DOCK3: variants seen among roughly 807,000 people sequenced by gnomAD.
DOCK3 encodes the protein dedicator of cytokinesis 3, also known as dedicator of cytokinesis protein 3.
A neutral mutation model predicts 265.6 loss-of-function variants in DOCK3; 60 were observed. The ratio of observed to expected loss-of-function variants is 0.23; its 90% confidence interval spans 0.18 to 0.28. DOCK3 has a LOEUF of 0.28. Among genes scored for constraint, DOCK3 ranks in the 10% least tolerant of loss-of-function variants. DOCK3 has a pLI of 1.00. For missense variants in DOCK3, 1,981 were observed against 2,594.3 expected (o/e 0.76, Z 5.14); for synonymous variants, 881 against 938.0 (o/e 0.94, Z 1.11).
chr3:51,169,381 AT>A (rs1437266987), intron 12 of DOCK3, among the ~76,000 whole-genome samples: 4 of 152,250 alleles, frequency 2.6e-5, no homozygotes, highest in Non-Finnish European at 5.9e-5. Flanking sequence ...TGTGGCACAT[AT>A]ACACCATGGA....
In DOCK3 at chr3:51,090,253, T is replaced by G; in HGVS notation, c.615T>G (p.His205Gln). The G allele has an allele frequency of 6.3e-7, 1 of 1,594,928 alleles. No individual in the cohort carries two copies. Among genetic ancestry groups the G allele is most frequent in the East Asian group, 2.3e-5 (1 of 44,180 alleles). Residue 205 changes from histidine (H) to glutamine (Q), a missense_variant, in exon 9 of 53, where the codon CAT becomes CAG. By Grantham distance (24) the His-to-Gln change is conservative. Around this residue, in one of 4 missense-constraint regions of DOCK3, gnomAD observed 456 missense variants for 539.0 expected, o/e 0.85. Transcript: ENST00000266037. ...TSQVDTMRPR[H>Q]GETCRMPVPH... is the part of the protein sequence containing the mutation. ...AGGTAGATACAATGCGCCCACGTCA[T>G]GGGGAAACATGTCGGATGCCAGTGC...
intron 2 of DOCK3, among the ~76,000 whole-genome samples, chr3:50,839,640 C>T (rs2045704550): frequency 6.8e-6 from 1 of 147,748 alleles, no homozygotes; most frequent in Non-Finnish European, 1.5e-5. Flanking sequence ...TCTGTATCTT[C>T]TTTGGTGAAG....
chr3:50,729,782 C>T (rs572329685), intron 1 of DOCK3, among the ~76,000 whole-genome samples: 1 of 150,934 alleles, frequency 6.6e-6, no homozygotes, highest in East Asian at 1.9e-4. Context: ...TCCCATATTG[C>T]TGGGATTACA....
chr3:51,335,463 C>A (rs1380321177), intron 35 of DOCK3, among the ~76,000 whole-genome samples: 2 of 152,194 alleles, frequency 1.3e-5, no homozygotes, highest in Admixed American at 1.3e-4. Flanking sequence ...CAGGAGCTTA[C>A]CTTTCCGTGC....
chr3:51,043,602 A>G (rs1329594127), intron 5 of DOCK3, among the ~76,000 whole-genome samples: 1 of 152,182 alleles, frequency 6.6e-6, no homozygotes, highest in Admixed American at 6.6e-5. Context: ...TAATTAAACT[A>G]AAGAGCTACA....
intron 33 of DOCK3, among the ~76,000 whole-genome samples, chr3:51,331,213 G>A (rs2084496345): frequency 6.6e-6 from 1 of 152,188 alleles, no homozygotes; most frequent in African/African-American, 2.4e-5. Context: ...AAAAAGGGGG[G>A]AGTCTCCCCT....
intron 5 of DOCK3, among the ~76,000 whole-genome samples, chr3:50,948,464 C>T (rs1276848726): frequency 7.4e-6 from 1 of 135,032 alleles, no homozygotes; most frequent in African/African-American, 2.8e-5. Flanking sequence ...AATGCAGTTG[C>T]AAAATCATAG....
In DOCK3 at chr3:51,228,535, A is replaced by G. The variant is rs1032607786; in HGVS notation, c.1648-126A>G. The G allele has an allele frequency of 1.4e-5, 14 of 1,020,520 alleles. No homozygotes were observed. In the East Asian group the frequency reaches 2.1e-4, roughly 15 times the overall value. 63.2% of individuals were successfully genotyped at this position (1,020,520 alleles called of 1,614,324 possible). On this transcript the variant is annotated intron_variant, in intron 17 of 52. Transcript: ENST00000266037. ...TCTGAACAGAAAGTACTCTTCCAAG[A>G]GGACCTGAGGCCCAACGTTCAGCCT...
chr3:51,352,507 A>G (rs2086065663), intron 40 of DOCK3, among the ~76,000 whole-genome samples: 1 of 152,222 alleles, frequency 6.6e-6, no homozygotes, highest in Non-Finnish European at 1.5e-5. Context: ...CTCACAAGTA[A>G]CAGTCCAAAT....
At chr3:50,771,247 A>G (rs1361440827) in intron 1 of DOCK3, among the ~76,000 whole-genome samples, 2 of 152,222 alleles carry the variant, frequency 1.3e-5, no homozygotes, top group Non-Finnish European at 2.9e-5. Flanking sequence ...AAACAACTCT[A>G]TAGGAAAAAA....
At chr3:51,326,076 C>T (rs191029736) in intron 32 of DOCK3, among the ~76,000 whole-genome samples, 16 of 148,970 alleles carry the variant, frequency 1.1e-4, no homozygotes, top group African/African-American at 3.7e-4. Flanking sequence ...AAAAAAAGGC[C>T]AAAAAAATGA....
intron 6 of DOCK3, among the ~76,000 whole-genome samples, chr3:51,074,520 C>G (rs372878324): frequency 4.8e-4 from 73 of 152,238 alleles, no homozygotes; most frequent in African/African-American, 1.7e-3. Context: ...AAACTTTTAT[C>G]TAATGTTTCT....
intron 4 of DOCK3, among the ~76,000 whole-genome samples, chr3:50,894,339 A>C (rs1439904182): frequency 6.6e-6 from 1 of 152,054 alleles, no homozygotes; most frequent in African/African-American, 2.4e-5. Context: ...AAGGAAACAA[A>C]AAAAACCCTG....
chr3:51,250,630 A>G (rs1444604447), intron 22 of DOCK3, among the ~76,000 whole-genome samples: 4 of 152,146 alleles, frequency 2.6e-5, no homozygotes, highest in Non-Finnish European at 5.9e-5. Context: ...AGAGAAAACA[A>G]ACAAACAAAC....
At chr3:50,968,205 C>T (rs964878888) in intron 5 of DOCK3, among the ~76,000 whole-genome samples, 7 of 152,148 alleles carry the variant, frequency 4.6e-5, no homozygotes, top group African/African-American at 1.7e-4. Context: ...AGGTCTCTGC[C>T]ACCCAGGCTG....
intron 27 of DOCK3, among the ~76,000 whole-genome samples, chr3:51,285,744 C>A (rs919630811): frequency 6.6e-6 from 1 of 151,956 alleles, no homozygotes; most frequent in African/African-American, 2.4e-5. Flanking sequence ...ACCTATCTGG[C>A]CAACATAGCG....
chr3:50,711,030 T>C (rs968705139), intron 1 of DOCK3, among the ~76,000 whole-genome samples: 8 of 152,190 alleles, frequency 5.3e-5, no homozygotes, highest in Non-Finnish European at 1.2e-4. Flanking sequence ...GTGATAGGTA[T>C]ACCAAAATCT....
chr3:51,159,403 T>C, intron 11 of DOCK3, 99 bp downstream of exon 11: 1 of 1,074,342 alleles, frequency 9.3e-7, no homozygotes, highest in Admixed American at 1.8e-5. Context: ...ATCTTACCTG[T>C]AATTTCAGGT....
intron 9 of DOCK3, among the ~76,000 whole-genome samples, chr3:51,132,717 C>A (rs1260479500): frequency 6.6e-6 from 1 of 152,196 alleles, no homozygotes; most frequent in African/African-American, 2.4e-5. Flanking sequence ...ATGAAATATG[C>A]ATGCACAGCC....
Sources: allele counts gnomAD v4.1 joint callset (sites outside exome capture counted in the v4.1 genomes callset), GRCh38; gene constraint gnomAD v4.1.1; regional missense constraint gnomAD v4.1.1; transcripts MANE v1.5; gene names NCBI Gene and HGNC (gene_info 2026-07-23, HGNC 2026-07-21).